The following CHODL variants were observed in gnomAD, a reference collection of about 807,000 sequenced individuals.
The protein encoded by CHODL is chondrolectin.
A neutral mutation model predicts 34.5 loss-of-function variants in CHODL; 29 were observed. That is an observed-to-expected ratio of 0.84 (90% confidence interval 0.63 to 1.15). The LOEUF (loss-of-function observed/expected upper bound fraction) is 1.15. Ranked by LOEUF, CHODL falls within the 50% of genes most tolerant of loss-of-function variation. The pLI is 0.00. For synonymous variants in CHODL, 125 were observed against 116.1 expected, an observed-to-expected ratio of 1.08 and a Z score of -0.49; for missense variants, 332 against 332.5, an observed-to-expected ratio of 1.00 and a Z score of 0.01.
At chr21:18,123,528 T>C (rs1400747809) in intron 2 of CHODL, among the ~76,000 whole-genome samples, 2 of 152,146 alleles carry the variant, frequency 1.3e-5, no homozygotes, top group African/African-American at 2.4e-5. Flanking sequence ...AGCATGGCCC[T>C]AGAATCTAGT....
chr21:18,193,739 AT>A (rs2073546315), intron 2 of CHODL, among the ~76,000 whole-genome samples: 1 of 150,538 alleles, frequency 6.6e-6, no homozygotes, highest in South Asian at 2.1e-4. Context: ...AAATAAATAA[AT>A]AAATAAAAAA....
At chr21:18,172,780 A>G (rs2073247764) in intron 2 of CHODL, among the ~76,000 whole-genome samples, 1 of 152,170 alleles carries the variant, frequency 6.6e-6, no homozygotes, top group Admixed American at 6.5e-5. Context: ...ATTTTGACTT[A>G]AAACAACACC....
At chr21:18,050,800 G>C (rs910700426) in intron 2 of CHODL, among the ~76,000 whole-genome samples, 3 of 151,876 alleles carry the variant, frequency 2.0e-5, no homozygotes, top group African/African-American at 4.8e-5. Flanking sequence ...TTGTAGACTT[G>C]TTGGTGTAGG....
chr21:18,072,210 A>AC, intron 2 of CHODL, among the ~76,000 whole-genome samples: 1 of 124,670 alleles, frequency 8.0e-6, no homozygotes, highest in Non-Finnish European at 1.7e-5. Context: ...AATAGTAATC[A>AC]TAAAAATATA....
At chr21:18,070,206 T>C (rs1157155623) in intron 2 of CHODL, among the ~76,000 whole-genome samples, 2 of 151,764 alleles carry the variant, frequency 1.3e-5, no homozygotes, top group Admixed American at 1.3e-4. Context: ...AAACACCACC[T>C]GTTCCCCAGA....
intron 2 of CHODL, among the ~76,000 whole-genome samples, chr21:18,147,032 C>T (rs1438753631): frequency 6.6e-6 from 1 of 152,110 alleles, no homozygotes; most frequent in African/African-American, 2.4e-5. Context: ...ATGTACTCTG[C>T]TTGGCAAAGA....
intron 2 of CHODL, among the ~76,000 whole-genome samples, chr21:18,128,080 C>T (rs1290195747): frequency 2.0e-5 from 3 of 151,558 alleles, no homozygotes; most frequent in Non-Finnish European, 2.9e-5. Context: ...GTGGGCGGAT[C>T]ACGAGGTCAG....
chr21:17,993,179 T>C (rs1464962155), intron 1 of CHODL, among the ~76,000 whole-genome samples: 2 of 151,510 alleles, frequency 1.3e-5, no homozygotes, highest in Non-Finnish European at 2.9e-5. Flanking sequence ...AGGTATTTCA[T>C]ACATGGCTTT....
intron 1 of CHODL, 37 bp from the exon 2 acceptor site, chr21:18,256,472 G>A (rs1220433433): frequency 2.6e-6 from 4 of 1,535,916 alleles, no homozygotes; most frequent in South Asian, 1.3e-5. Context: ...ATAGAGTTCC[G>A]ATTATCAATA....
At chr21:17,933,827 T>C (rs1435808808) in intron 1 of CHODL, among the ~76,000 whole-genome samples, 1 of 151,934 alleles carries the variant, frequency 6.6e-6, no homozygotes, top group African/African-American at 2.4e-5. Flanking sequence ...CATCATGAGG[T>C]CAAGAGATTG....
At chr21:18,077,035 C>T (rs2064874899) in intron 2 of CHODL, among the ~76,000 whole-genome samples, 1 of 152,176 alleles carries the variant, frequency 6.6e-6, no homozygotes, top group African/African-American at 2.4e-5. Context: ...GGGAGCCACC[C>T]CAGTGGGGCC....
chr21:18,130,421 G>A (rs17697456), intron 2 of CHODL, among the ~76,000 whole-genome samples: 10,701 of 152,242 alleles, frequency 0.07, 412 homozygotes, highest in Middle Eastern at 0.12. Context: ...TTCTTGGCCA[G>A]TGAAATGGAT....
At chr21:18,198,760 A>G (rs529056466) in intron 2 of CHODL, among the ~76,000 whole-genome samples, 1 of 152,282 alleles carries the variant, frequency 6.6e-6, no homozygotes, top group South Asian at 2.1e-4. Context: ...AACTTCGAAT[A>G]AAGGAAGTAA....
chr21:18,117,320 A>G lies in CHODL; in HGVS notation c.-45+89349A>G, dbSNP rs7278635. Among the ~76,000 whole-genome samples, 1,249 of 152,298 alleles carry G rather than the reference A, an allele frequency of 8.2e-3. 8 individuals carry two copies. Among genetic ancestry groups the G allele is most frequent in the African/African-American group, 0.028 (1,165 of 41,570 alleles). Reference sequence around the variant, plus strand: ...CATTTATCCTAACAGGGTAAACAGTATAATTTTCCACAGTGGTATGACGAG... The same window carrying G: ...CATTTATCCTAACAGGGTAAACAGTGTAATTTTCCACAGTGGTATGACGAG... On this transcript the variant is annotated intron_variant, in intron 2 of 6. Coordinates refer to the CHODL transcript ENST00000400127.
chr21:18,029,485 T>G (rs1046760237), intron 2 of CHODL, among the ~76,000 whole-genome samples: 1 of 152,208 alleles, frequency 6.6e-6, no homozygotes, highest in African/African-American at 2.4e-5. Context: ...TTTGAAACTT[T>G]GATCAAAATA....
intron 2 of CHODL, among the ~76,000 whole-genome samples, chr21:18,206,432 T>G (rs986636490): frequency 7.9e-5 from 12 of 152,222 alleles, no homozygotes; most frequent in African/African-American, 2.9e-4. Context: ...GAAATCTATT[T>G]TGTCTGATTT....
At chr21:18,122,548 A>T (rs1443673869) in intron 2 of CHODL, among the ~76,000 whole-genome samples, 1 of 150,100 alleles carries the variant, frequency 6.7e-6, no homozygotes, top group African/African-American at 2.4e-5. Flanking sequence ...TTTCTGCTCA[A>T]TTTTTTTTTT....
At chr21:17,977,899 C>G (rs542039250) in intron 1 of CHODL, among the ~76,000 whole-genome samples, 1 of 100,188 alleles carries the variant, frequency 1.0e-5, no homozygotes, top group Non-Finnish European at 1.8e-5. Flanking sequence ...AGCTTGGCAA[C>G]AGAGCAACAC....
At chr21:18,016,215 C>T (rs536964171) in intron 1 of CHODL, among the ~76,000 whole-genome samples, 27 of 152,312 alleles carry the variant, frequency 1.8e-4, no homozygotes, top group Non-Finnish European at 3.1e-4. Context: ...GGGCCAGATC[C>T]AGGGCCTTGC....
Sources: gnomAD v4.1 joint callset for allele counts (sites outside exome capture counted in the v4.1 genomes callset) on GRCh38, gnomAD v4.1.1 for gene constraint, MANE v1.5 for transcripts, NCBI Gene and HGNC (gene_info 2026-07-23, HGNC 2026-07-21) for gene names.